Variants in FGGY observed in about 807,000 individuals in gnomAD.
FGGY encodes the protein FGGY carbohydrate kinase domain-containing protein.
In FGGY, 72 loss-of-function variants were observed where a neutral mutation model predicts 71.3. That is an observed-to-expected ratio of 1.01 (90% CI 0.84 to 1.23). The LOEUF is 1.23. Among genes scored for constraint, FGGY ranks in the 50% most tolerant of loss-of-function variants. The pLI is 0.00. For missense variants in FGGY, 668 were observed against 682.3 expected (o/e 0.98, Z 0.23); for synonymous variants, 251 against 250.3 (o/e 1.00, Z -0.02).
chr1:59,503,617 AT>A (rs1570317817), intron 6 of FGGY, among the ~76,000 whole-genome samples: 5 of 147,100 alleles, frequency 3.4e-5, no homozygotes, highest in Admixed American at 6.8e-5. Flanking sequence ...ATATATATAT[AT>A]AAAATATGTA....
chr1:59,693,033 A>G (rs1235449975), intron 14 of FGGY, among the ~76,000 whole-genome samples: 1 of 152,248 alleles, frequency 6.6e-6, no homozygotes, highest in Non-Finnish European at 1.5e-5. Flanking sequence ...TATCATCATT[A>G]TTACTACCAG....
At chr1:59,369,749 G>A (rs1571131387) in intron 4 of FGGY, among the ~76,000 whole-genome samples, 1 of 152,190 alleles carries the variant, frequency 6.6e-6, no homozygotes, top group Non-Finnish European at 1.5e-5. Context: ...CAGCATTCAC[G>A]GTTCACGAAA....
chr1:59,341,421 A>G (rs2050663161), intron 3 of FGGY, among the ~76,000 whole-genome samples: 2 of 152,204 alleles, frequency 1.3e-5, no homozygotes, highest in Admixed American at 1.3e-4. Flanking sequence ...AGTGATCACT[A>G]TAAATAATCA....
chr1:59,573,486 G>A (rs2096023113), intron 8 of FGGY, among the ~76,000 whole-genome samples: 1 of 151,872 alleles, frequency 6.6e-6, no homozygotes, highest in South Asian at 2.1e-4. Flanking sequence ...ACACATGTAT[G>A]TTCATATATA....
In FGGY at chr1:59,344,561, A is replaced by C. The variant is rs555704922; in HGVS notation, c.314-1686A>C. Among the ~76,000 whole-genome samples, 91 of 152,320 alleles carry C rather than the reference A, an allele frequency of 6.0e-4. 1 individual carries two copies. Among genetic ancestry groups the C allele is most frequent in the African/African-American group, 2.1e-3 (86 of 41,586 alleles). The stretch of plus-strand genomic sequence containing the variant: ...TACATATGTGTATACCCACAACAAC[A>C]AACAGTATACAATCCTTCCTCTGTA... On this transcript the variant is annotated intron_variant, in intron 3 of 15. Transcript: ENST00000303721.
At chr1:59,478,538 T>C (rs2093353914) in intron 6 of FGGY, among the ~76,000 whole-genome samples, 1 of 152,206 alleles carries the variant, frequency 6.6e-6, no homozygotes, top group Admixed American at 6.5e-5. Context: ...TCAATAGATA[T>C]TTGGTAAATG....
chr1:59,611,063 C>A (rs564255829), intron 9 of FGGY, among the ~76,000 whole-genome samples: 3 of 152,348 alleles, frequency 2.0e-5, no homozygotes, highest in East Asian at 3.9e-4. Flanking sequence ...ACCTGCCTGC[C>A]TCTGTAGACT....
chr1:59,628,958 G>A (rs1440952364), intron 10 of FGGY, among the ~76,000 whole-genome samples: 1 of 152,106 alleles, frequency 6.6e-6, no homozygotes, highest in East Asian at 1.9e-4. Flanking sequence ...TTAGAATAAT[G>A]GGTGATACAG....
At chr1:59,558,402 T>TA (rs1437265558) in intron 8 of FGGY, among the ~76,000 whole-genome samples, 1 of 152,104 alleles carries the variant, frequency 6.6e-6, no homozygotes, top group Non-Finnish European at 1.5e-5. Flanking sequence ...AGAGGAATTT[T>TA]ACAGCTGGGC....
chr1:59,321,771 C>G (rs748071727), intron 2 of FGGY, 21 bp downstream of exon 2: 1 of 1,600,060 alleles, frequency 6.2e-7, no homozygotes, highest in South Asian at 1.1e-5. Context: ...AACTGGTGTT[C>G]TCTCCTTGTT....
intron 7 of FGGY, among the ~76,000 whole-genome samples, chr1:59,516,766 A>G (rs879916402): frequency 6.6e-6 from 1 of 152,208 alleles, no homozygotes; most frequent in Non-Finnish European, 1.5e-5. Context: ...CCTCTCACCA[A>G]CAAACCCTGA....
At chr1:59,758,127 C>A in intron 15 of FGGY, 135 bp downstream of exon 15, 2 of 578,070 alleles carry the variant, frequency 3.5e-6, no homozygotes, top group South Asian at 3.0e-5. Flanking sequence ...AAACTAAGTT[C>A]CAGGGAGGTA....
chr1:59,719,408 C>T (rs921539573), intron 14 of FGGY, among the ~76,000 whole-genome samples: 1 of 152,142 alleles, frequency 6.6e-6, no homozygotes, highest in African/African-American at 2.4e-5. Flanking sequence ...TTCTCAACCT[C>T]GGTTTCTCAT....
At chr1:59,379,095 A>C (rs1224519691) in intron 5 of FGGY, among the ~76,000 whole-genome samples, 1 of 151,720 alleles carries the variant, frequency 6.6e-6, no homozygotes, top group Non-Finnish European at 1.5e-5. Context: ...GGAGATATGA[A>C]AAATCCAGAG....
chr1:59,366,052 C>T (rs1041809781), intron 4 of FGGY, among the ~76,000 whole-genome samples: 1 of 152,138 alleles, frequency 6.6e-6, no homozygotes, highest in Non-Finnish European at 1.5e-5. Flanking sequence ...GTGTCACACT[C>T]CTGGGTAAAG....
intron 1 of FGGY, chr1:59,315,646 C>G (rs969855304): frequency 6.6e-6 from 1 of 151,948 alleles, no homozygotes; most frequent in Admixed American, 6.6e-5. Context: ...GGATTCCCTG[C>G]TTACTCCCTT....
chr1:59,332,511 C>T (rs2048689690), intron 2 of FGGY, among the ~76,000 whole-genome samples: 1 of 152,136 alleles, frequency 6.6e-6, no homozygotes, highest in South Asian at 2.1e-4. Context: ...CGATGTTCCT[C>T]AGCTGTGGAT....
chr1:59,454,962 ATAGGTTTTGGGT>A (rs944809385), intron 5 of FGGY, among the ~76,000 whole-genome samples: 1 of 152,184 alleles, frequency 6.6e-6, no homozygotes, highest in African/African-American at 2.4e-5. Context: ...TCCTTGTGAG[ATAGGTTTTGGGT>A]TATCTTTAAA....
At chr1:59,495,008 G>A (rs1054454665) in intron 6 of FGGY, among the ~76,000 whole-genome samples, 8 of 152,108 alleles carry the variant, frequency 5.3e-5, no homozygotes, top group African/African-American at 1.9e-4. Context: ...AACCTCACCA[G>A]TATCTGTTAT....
Sources: allele counts gnomAD v4.1 joint callset (sites outside exome capture counted in the v4.1 genomes callset), GRCh38; gene constraint gnomAD v4.1.1; transcripts MANE v1.5; gene names NCBI Gene and HGNC (gene_info 2026-07-23, HGNC 2026-07-21).